STK24: variants seen among roughly 807,000 people sequenced by gnomAD.
STK24 encodes serine/threonine-protein kinase 24.
STK24 carries 21 observed loss-of-function variants against 55.6 expected under a neutral mutation model. The ratio of observed to expected loss-of-function variants is 0.38; its 90% CI spans 0.27 to 0.54. The LOEUF (loss-of-function observed/expected upper bound fraction) is 0.54. STK24 is among the 20% of genes least tolerant of loss of function. STK24 has a pLI of 0.79. For missense variants in STK24, 383 were observed against 538.4 expected (o/e 0.71, Z 2.86); for synonymous variants, 200 against 215.2 (o/e 0.93, Z 0.62).
intron 2 of STK24, among the ~76,000 whole-genome samples, chr13:98,494,349 G>C (rs967017855): frequency 4.2e-5 from 6 of 141,330 alleles, no homozygotes; most frequent in Admixed American, 1.4e-4. Flanking sequence ...GGGAGGCAGA[G>C]CTTGCAGTGA....
rs762775670 is a variant in STK24 at position 98,466,462 on chromosome 13, T to C, written c.697A>G (p.Lys233Glu). The C allele has an allele frequency of 3.1e-6, 5 of 1,614,076 alleles. No individual in the cohort carries two copies. The highest frequency in any genetic ancestry group is 4.2e-6 in the Non-Finnish European group (5 of 1,180,018). Reference sequence around the variant, plus strand: ...CCTTCCAACGTCGGTGGGTTGTTCTTTGGAATGAGGAATAAAACTTTCATG... The same window carrying C: ...CCTTCCAACGTCGGTGGGTTGTTCTCTGGAATGAGGAATAAAACTTTCATG... ...HPMKVLFLIPKNNPPTLEGNY... is the reference protein window; with the variant it reads ...HPMKVLFLIPENNPPTLEGNY... Residue 233 changes from lysine (K) to glutamate (E), a missense_variant, in exon 6 of 11, where the codon AAG (lysine) becomes GAG (glutamate). By Grantham distance (56) the Lys-to-Glu change is moderately conservative (BLOSUM62 1). Transcript: ENST00000539966.
At chr13:98,570,202 C>A (rs910913497) in intron 1 of STK24, among the ~76,000 whole-genome samples, 5 of 152,078 alleles carry the variant, frequency 3.3e-5, no homozygotes, top group Non-Finnish European at 7.4e-5. Flanking sequence ...TCCTCATAAA[C>A]TAAGGAGTAA....
intron 1 of STK24, among the ~76,000 whole-genome samples, chr13:98,526,887 C>G (rs910034852): frequency 2.6e-5 from 4 of 152,068 alleles, no homozygotes; most frequent in African/African-American, 9.7e-5. Context: ...TATGCAGGAC[C>G]ACTGTCCACA....
intron 1 of STK24, among the ~76,000 whole-genome samples, chr13:98,563,061 T>A (rs1179166305): frequency 1.3e-5 from 2 of 152,152 alleles, no homozygotes; most frequent in African/African-American, 4.8e-5. Context: ...AAGAAACGAT[T>A]TGCTCCACAA....
At chr13:98,524,832 C>T (rs1594639468) in intron 1 of STK24, among the ~76,000 whole-genome samples, 1 of 152,216 alleles carries the variant, frequency 6.6e-6, no homozygotes, top group South Asian at 2.1e-4. Context: ...GCAATTTTCA[C>T]TCTTTTACTA....
At chr13:98,537,877 G>A (rs898833603) in intron 1 of STK24, among the ~76,000 whole-genome samples, 1 of 152,078 alleles carries the variant, frequency 6.6e-6, no homozygotes, top group Non-Finnish European at 1.5e-5. Context: ...GGGATAACAA[G>A]AGTACCCACA....
chr13:98,470,098 ATTGAGT>A (rs1894084626), intron 5 of STK24, among the ~76,000 whole-genome samples: 2 of 152,180 alleles, frequency 1.3e-5, no homozygotes, highest in African/African-American at 2.4e-5. Flanking sequence ...CATAAATATA[ATTGAGT>A]TTGTCTATTA....
At chr13:98,571,269 T>C (rs1367883418) in intron 1 of STK24, among the ~76,000 whole-genome samples, 1 of 152,010 alleles carries the variant, frequency 6.6e-6, no homozygotes, top group African/African-American at 2.4e-5. Flanking sequence ...GAACTGAAAA[T>C]GAAACTCAAC....
chr13:98,535,987 T>C (rs1896721401), intron 1 of STK24, among the ~76,000 whole-genome samples: 2 of 152,148 alleles, frequency 1.3e-5, no homozygotes, highest in South Asian at 2.1e-4. Flanking sequence ...CCAGACCAAA[T>C]CGTTTTGGTG....
chr13:98,453,989 TC>T (rs1279612407), intron 10 of STK24: 1 of 152,186 alleles, frequency 6.6e-6, no homozygotes, highest in African/African-American at 2.4e-5. Flanking sequence ...AGAGAGCAGT[TC>T]CTTTGAGCCC....
chr13:98,521,475 T>A (rs531404935), intron 1 of STK24, among the ~76,000 whole-genome samples: 1 of 152,286 alleles, frequency 6.6e-6, no homozygotes, highest in Non-Finnish European at 1.5e-5. Context: ...AGACTGTTTT[T>A]GGAGCTCGTG....
At position 98,463,854 on chromosome 13, in the gene STK24, A is replaced by G. The variant is rs769149167; in HGVS notation, c.784-18T>C. On this transcript the variant is annotated intron_variant, in intron 6 of 10. Transcript: ENST00000539966. ...GTGGGTCTCTGGAAAAACACACCCAACAATTAAAGTATGAGATGAAGTTCT... is the reference window on the plus strand; with the variant it reads ...GTGGGTCTCTGGAAAAACACACCCAGCAATTAAAGTATGAGATGAAGTTCT... 1.9e-5 allele frequency: 30 copies of G among 1,609,046 alleles called. No homozygotes were observed. Among genetic ancestry groups the G allele is most frequent in the Non-Finnish European group, 2.5e-5 (30 of 1,177,008 alleles).
rs1471026258 is a variant in STK24, at chr13:98,449,022, G to C, written c.*4151C>G. On this transcript the variant is annotated 3_prime_UTR_variant, in exon 11 of 11. Coordinates refer to ENST00000539966, the MANE Select transcript of STK24 (RefSeq NM_001032296.4). ...GCAGGGTTGTTTTCTGTTAAGCAAAGCCGAGATCCAGTGCAATACCTGGAC... is the reference window on the plus strand; with the variant it reads ...GCAGGGTTGTTTTCTGTTAAGCAAACCCGAGATCCAGTGCAATACCTGGAC... 2.6e-5 allele frequency: 4 copies of C among 152,326 alleles called. No individual in the cohort carries two copies. Among genetic ancestry groups the C allele is most frequent in the East Asian group, 3.9e-4 (2 of 5,176 alleles). The allele number at this position is 152,326 out of a possible 1,614,324, so 9.4% of individuals were successfully genotyped here. A position where few individuals can be genotyped will look rare whatever the true frequency, so the allele number is the denominator to read the frequency against.
chr13:98,532,757 G>C (rs576167742), intron 1 of STK24, among the ~76,000 whole-genome samples: 3 of 152,264 alleles, frequency 2.0e-5, no homozygotes, highest in East Asian at 3.9e-4. Context: ...TTTTTATACA[G>C]TAACATGCTT....
At chr13:98,475,058 G>A in intron 4 of STK24, 80 bp from the exon 5 acceptor site, 4 of 1,505,244 alleles carry the variant, frequency 2.7e-6, no homozygotes, top group East Asian at 4.7e-5. Context: ...CTTCTCCCTG[G>A]CTGGGTGGCG....
chr13:98,500,138 T>C (rs1228398762), intron 2 of STK24, among the ~76,000 whole-genome samples: 2 of 152,240 alleles, frequency 1.3e-5, no homozygotes, highest in African/African-American at 4.8e-5. Flanking sequence ...ATTTAAAACA[T>C]TAATATGCTA....
At position 98,449,166 on chromosome 13, in the gene STK24, T is replaced by C. The variant is rs1893058621; in HGVS notation, c.*4007A>G. The C allele has an allele frequency of 6.6e-6, 1 of 152,246 alleles. No homozygotes were observed. Among genetic ancestry groups the C allele is most frequent in the Admixed American group, 6.5e-5 (1 of 15,284 alleles). 9.4% of individuals were successfully genotyped at this position (152,246 alleles called of 1,614,324 possible). A position where few individuals can be genotyped will look rare whatever the true frequency, so the allele number is the denominator to read the frequency against. On this transcript the variant is annotated 3_prime_UTR_variant, in exon 11 of 11. Coordinates refer to ENST00000539966, the MANE Select transcript of STK24 (RefSeq NM_001032296.4). ...TCATTGATCAGCACCATTTGTGGTA[T>C]GTTCCGTGATGAGCGTTTAGTGAGC...
At chr13:98,467,812 T>C (rs571222892) in intron 5 of STK24, among the ~76,000 whole-genome samples, 1 of 152,258 alleles carries the variant, frequency 6.6e-6, no homozygotes, top group Non-Finnish European at 1.5e-5. Flanking sequence ...TAAGAGGAAC[T>C]TGACAGCTGA....
intron 1 of STK24, chr13:98,576,246 G>T: frequency 3.1e-6 from 3 of 980,734 alleles, no homozygotes; most frequent in South Asian, 4.7e-5. Context: ...GGGCCCGGAC[G>T]AGTCCAGGCG....
Sources: gnomAD v4.1 joint callset for allele counts (sites outside exome capture counted in the v4.1 genomes callset) on GRCh38, gnomAD v4.1.1 for gene constraint, MANE v1.5 for transcripts, NCBI Gene and HGNC (gene_info 2026-07-23, HGNC 2026-07-21) for gene names.